Variants in MIA2 observed in about 807,000 individuals in gnomAD.
MIA2 encodes melanoma inhibitory activity protein 2.
MIA2 carries 127 observed loss-of-function variants against 167.8 expected under a neutral mutation model. The observed-to-expected ratio is 0.76, with a 90% CI of 0.66 to 0.88. The LOEUF (loss-of-function observed/expected upper bound fraction) is 0.88, where lower values mean the gene tolerates loss of function less well. Among genes scored for constraint, MIA2 ranks in the 40% least tolerant of loss-of-function variants. MIA2 has a pLI of 0.00. For missense variants in MIA2, 1,690 were observed against 1,624.7 expected (o/e 1.04, Z -0.69); for synonymous variants, 552 against 541.9 (o/e 1.02, Z -0.26).
In MIA2 at chr14:39,295,398, T is replaced by A. The variant is rs528130950; in HGVS notation, c.2496+369T>A. Among the ~76,000 whole-genome samples, 4 of 152,228 alleles carry A rather than the reference T, an allele frequency of 2.6e-5. No homozygotes were observed. In the South Asian group the frequency reaches 8.3e-4, roughly 32 times the overall value. Reference sequence around the variant, plus strand: ...GGCAGATCACATAAGGATGTGACATTTGCCCTCTTTCTCCCCCACATACAT... The same window carrying A: ...GGCAGATCACATAAGGATGTGACATATGCCCTCTTTCTCCCCCACATACAT... On this transcript the variant is annotated intron_variant, in intron 13 of 28. Coordinates refer to ENST00000640607, the MANE Select transcript of MIA2 (RefSeq NM_001329214.4).
chr14:39,366,261 A>G (rs913192477), intron 23 of MIA2, among the ~76,000 whole-genome samples: 1 of 152,132 alleles, frequency 6.6e-6, no homozygotes, highest in Non-Finnish European at 1.5e-5. Flanking sequence ...CTGGGTGTCC[A>G]TACACGGGTA....
At position 39,276,821 on chromosome 14, in the gene MIA2, G is replaced by A. The variant is rs576283417; in HGVS notation, c.1888-113G>A. On this transcript the variant is annotated intron_variant, in intron 6 of 28. Coordinates refer to ENST00000640607, the MANE Select transcript of MIA2 (RefSeq NM_001329214.4). ...AATGTACTCTGATACTTTCTGTTTGGTGTTAGTCTGGCAGCCCATTTTGTG... is the reference window on the plus strand; with the variant it reads ...AATGTACTCTGATACTTTCTGTTTGATGTTAGTCTGGCAGCCCATTTTGTG... 1.6e-5 allele frequency: 17 copies of A among 1,087,862 alleles called. No individual in the cohort carries two copies. The African/African-American group carries it at 2.4e-4, about 15-fold the overall frequency. The allele number at this position is 1,087,862 out of a possible 1,614,324, so 67.4% of individuals were successfully genotyped here.
chr14:39,314,822 G>T, intron 20 of MIA2, 23 bp downstream of exon 20: 1 of 1,218,914 alleles, frequency 8.2e-7, no homozygotes, highest in South Asian at 1.8e-5. Context: ...GTGTGTGTGT[G>T]TGTGTGTGTG....
At chr14:39,288,449 A>ATTTTTTTTTTG (rs1566746769) in intron 9 of MIA2, among the ~76,000 whole-genome samples, 1 of 4,368 alleles carries the variant, frequency 2.3e-4, no homozygotes, top group African/African-American at 6.3e-4. Context: ...ATATATATAT[A>ATTTTTTTTTTG]TATATATATA....
intron 6 of MIA2, chr14:39,267,023 C>A (rs1594774872): frequency 3.0e-6 from 3 of 992,516 alleles, no homozygotes; most frequent in East Asian, 1.0e-4. Context: ...ACTACCAGGG[C>A]TGGGTGGCTT....
chr14:39,379,142 AT>A (rs71435655), intron 23 of MIA2, among the ~76,000 whole-genome samples: 21 of 148,750 alleles, frequency 1.4e-4, no homozygotes, highest in Middle Eastern at 3.5e-3. Flanking sequence ...GTCTTTTATA[AT>A]TTTTTTTTTT....
At chr14:39,306,740 T>C (rs2063397310) in intron 17 of MIA2, among the ~76,000 whole-genome samples, 2 of 152,312 alleles carry the variant, frequency 1.3e-5, no homozygotes, top group Admixed American at 1.3e-4. Context: ...GTTTTGTCTT[T>C]TAAGATTTGT....
chr14:39,376,773 A>G (rs2075053655), intron 23 of MIA2, among the ~76,000 whole-genome samples: 1 of 152,220 alleles, frequency 6.6e-6, no homozygotes, highest in African/African-American at 2.4e-5. Context: ...GAGGGGAAAT[A>G]GGAAGTGTAG....
intron 6 of MIA2, chr14:39,269,060 T>TCTTCACCTG (rs2056593569): frequency 3.3e-5 from 24 of 733,592 alleles, no homozygotes; most frequent in Non-Finnish European, 3.8e-5. Flanking sequence ...GTGCGTTGTA[T>TCTTCACCTG]CTTCACCTGC....
chr14:39,282,076 C>T (rs2059032145), intron 9 of MIA2, among the ~76,000 whole-genome samples: 1 of 152,118 alleles, frequency 6.6e-6, no homozygotes, highest in Admixed American at 6.5e-5. Flanking sequence ...TCAGTCAAGT[C>T]TTGTCCGCTT....
At chr14:39,350,817 T>C (rs1339655797), downstream of MIA2, 3 of 152,188 alleles carry the variant, frequency 2.0e-5, no homozygotes, top group Admixed American at 2.0e-4. Flanking sequence ...TAAATAGACA[T>C]GAGTGGCCCA....
At chr14:39,293,244 T>C (rs1288164330) in intron 10 of MIA2, 27 bp from the exon 11 acceptor site, 5 of 1,440,900 alleles carry the variant, frequency 3.5e-6, no homozygotes, top group Non-Finnish European at 4.9e-6. Context: ...CTTATATCTG[T>C]TTAATAAAGT....
At chr14:39,302,869 T>TC (rs1469493523) in intron 15 of MIA2, among the ~76,000 whole-genome samples, 1 of 152,152 alleles carries the variant, frequency 6.6e-6, no homozygotes, top group Non-Finnish European at 1.5e-5. Context: ...CATGTACCCC[T>TC]CTCTCATTTT....
chr14:39,330,529 T>G (rs2068605177), intron 25 of MIA2, among the ~76,000 whole-genome samples: 1 of 152,214 alleles, frequency 6.6e-6, no homozygotes, highest in Admixed American at 6.5e-5. Flanking sequence ...CTCTTACTTC[T>G]GTAGTTCTTT....
At chr14:39,349,116 CT>C (rs1233002111) in intron 28 of MIA2, 139 bp downstream of exon 28, 1 of 1,153,866 alleles carries the variant, frequency 8.7e-7, no homozygotes, top group Non-Finnish European at 1.2e-6. Context: ...ATTCTCATTA[CT>C]TTTCCGAATT....
intron 23 of MIA2, among the ~76,000 whole-genome samples, chr14:39,369,678 T>G (rs1389697435): frequency 6.6e-6 from 1 of 152,208 alleles, no homozygotes; most frequent in African/African-American, 2.4e-5. Flanking sequence ...GCTCTTTGTG[T>G]TTTTTTCAGT....
intron 9 of MIA2, among the ~76,000 whole-genome samples, chr14:39,281,515 A>G (rs1484365331): frequency 2.0e-5 from 3 of 151,848 alleles, no homozygotes; most frequent in Admixed American, 6.6e-5. Flanking sequence ...TCAGTTCTGC[A>G]GTTTTATTGT....
rs367955863 is a variant in MIA2 at position 39,265,243 on chromosome 14, C to T, written c.1888-11691C>T. On this transcript the variant is annotated intron_variant, in intron 6 of 28. Coordinates refer to ENST00000640607, the MANE Select transcript of MIA2 (RefSeq NM_001329214.4). Reference sequence around the variant, plus strand: ...GGTAGTCACAACTCCACCTGTAGCACCCCTTTACCACACAAATGTCAAAAC... The same window carrying T: ...GGTAGTCACAACTCCACCTGTAGCATCCCTTTACCACACAAATGTCAAAAC... The T allele has an allele frequency of 3.8e-5, 25 of 659,736 alleles. 1 individual carries two copies. Among genetic ancestry groups the T allele is most frequent in the East Asian group, 2.6e-4 (9 of 34,056 alleles). The allele number at this position is 659,736 out of a possible 1,614,324, so 40.9% of individuals were successfully genotyped here. A position where few individuals can be genotyped will look rare whatever the true frequency, so the allele number is the denominator to read the frequency against.
intron 9 of MIA2, 28 bp from the exon 10 acceptor site, chr14:39,290,991 T>G (rs778762082): frequency 1.3e-6 from 2 of 1,580,800 alleles, no homozygotes; most frequent in Admixed American, 3.5e-5. Context: ...TTGGTAGAGT[T>G]TTTACTTGTG....
Sources: allele counts gnomAD v4.1 joint callset (sites outside exome capture counted in the v4.1 genomes callset), GRCh38; gene constraint gnomAD v4.1.1; transcripts MANE v1.5; gene names NCBI Gene and HGNC (gene_info 2026-07-23, HGNC 2026-07-21).